Variants in IMMP2L observed in about 807,000 individuals in gnomAD.
The protein encoded by IMMP2L is inner mitochondrial membrane peptidase subunit 2.
In IMMP2L, 18 loss-of-function variants were observed where a neutral mutation model predicts 19.3. The ratio of observed to expected loss-of-function variants is 0.93; its 90% CI spans 0.64 to 1.38. The LOEUF (loss-of-function observed/expected upper bound fraction) is 1.38, where lower values mean the gene tolerates loss of function less well. Among genes scored for constraint, IMMP2L ranks in the 40% most tolerant of loss-of-function variants. IMMP2L has a pLI of 0.00. For synonymous variants in IMMP2L, 76 were observed against 73.0 expected (o/e 1.04, Z -0.21); for missense variants, 233 against 218.2 (o/e 1.07, Z -0.43).
intron 5 of IMMP2L, among the ~76,000 whole-genome samples, chr7:110,873,739 A>C (rs1415336806): frequency 1.3e-5 from 2 of 150,622 alleles, no homozygotes; most frequent in Non-Finnish European, 3.0e-5. Context: ...GTGCCATTGC[A>C]CCCCAGCAAT....
intron 3 of IMMP2L, among the ~76,000 whole-genome samples, chr7:111,226,872 G>A (rs931663289): frequency 2.6e-5 from 4 of 152,098 alleles, no homozygotes; most frequent in Non-Finnish European, 5.9e-5. Flanking sequence ...GCAATAATAC[G>A]AAGGGACAGA....
intron 2 of IMMP2L, among the ~76,000 whole-genome samples, chr7:111,500,395 CAA>C (rs1844082139): frequency 6.6e-6 from 1 of 152,134 alleles, no homozygotes; most frequent in East Asian, 1.9e-4. Flanking sequence ...CACAGACAAA[CAA>C]AAAGACAGCA....
chr7:111,277,567 A>T (rs1316316229), intron 3 of IMMP2L, among the ~76,000 whole-genome samples: 1 of 30,270 alleles, frequency 3.3e-5, no homozygotes, highest in South Asian at 2.3e-3. Context: ...TGTCTCATTT[A>T]AAAAAAAAAA....
At chr7:111,395,367 T>TA (rs1481803619) in intron 3 of IMMP2L, among the ~76,000 whole-genome samples, 1 of 152,204 alleles carries the variant, frequency 6.6e-6, no homozygotes, top group African/African-American at 2.4e-5. Context: ...AAGCAATCAA[T>TA]AAAAAATTTT....
intron 3 of IMMP2L, among the ~76,000 whole-genome samples, chr7:111,352,367 CTTTTTTTTTTT>C (rs748454509): frequency 3.1e-5 from 4 of 130,844 alleles, no homozygotes; most frequent in Non-Finnish European, 4.8e-5. Context: ...GCACAACTAA[CTTTTTTTTTTT>C]TTTTTTTTTT....
At chr7:111,310,453 C>T (rs1823392638) in intron 3 of IMMP2L, among the ~76,000 whole-genome samples, 1 of 151,958 alleles carries the variant, frequency 6.6e-6, no homozygotes, top group Non-Finnish European at 1.5e-5. Flanking sequence ...AGTTTTGTTT[C>T]TGTTGGTCTT....
intron 3 of IMMP2L, among the ~76,000 whole-genome samples, chr7:111,425,883 C>T (rs1836024147): frequency 6.6e-6 from 1 of 151,272 alleles, no homozygotes; most frequent in African/African-American, 2.4e-5. Flanking sequence ...ATTAATCAAA[C>T]ATATAATTTA....
chr7:111,102,137 T>C (rs1246512507), intron 3 of IMMP2L, among the ~76,000 whole-genome samples: 1 of 151,506 alleles, frequency 6.6e-6, no homozygotes, highest in Non-Finnish European at 1.5e-5. Context: ...GGATAGATTT[T>C]ACAGATTTTA....
intron 3 of IMMP2L, among the ~76,000 whole-genome samples, chr7:111,206,490 A>AT (rs1284256270): frequency 2.0e-5 from 3 of 151,604 alleles, no homozygotes; most frequent in East Asian, 1.9e-4. Context: ...TGCTCTTCAG[A>AT]TTTTTTTTTA....
chr7:111,437,668 G>C (rs547288204), intron 3 of IMMP2L, among the ~76,000 whole-genome samples: 1 of 151,632 alleles, frequency 6.6e-6, no homozygotes, highest in African/African-American at 2.4e-5. Context: ...CCATCTGGCC[G>C]CTTTCACCTT....
At chr7:111,065,100 C>A (rs571224681) in intron 3 of IMMP2L, among the ~76,000 whole-genome samples, 1 of 152,168 alleles carries the variant, frequency 6.6e-6, no homozygotes, top group Non-Finnish European at 1.5e-5. Context: ...AACCTCATGA[C>A]CAGTTGCAGA....
chr7:111,474,095 C>T (rs1241065002), intron 3 of IMMP2L, among the ~76,000 whole-genome samples: 1 of 152,100 alleles, frequency 6.6e-6, no homozygotes, highest in African/African-American at 2.4e-5. Context: ...ATTGCAAGTA[C>T]TCACTTAAAA....
At chr7:111,146,681 A>G (rs1465697109) in intron 3 of IMMP2L, among the ~76,000 whole-genome samples, 3 of 152,130 alleles carry the variant, frequency 2.0e-5, no homozygotes, top group Non-Finnish European at 4.4e-5. Context: ...GGGTCAACAC[A>G]GTAACAGGAA....
chr7:110,800,200 A>G (rs1464858065), intron 5 of IMMP2L, among the ~76,000 whole-genome samples: 1 of 151,926 alleles, frequency 6.6e-6, no homozygotes. Context: ...ACTAATAGAG[A>G]AGATCATTAG....
chr7:111,092,295 C>G (rs778517395), intron 3 of IMMP2L, among the ~76,000 whole-genome samples: 30 of 152,220 alleles, frequency 2.0e-4, no homozygotes, highest in Non-Finnish European at 3.4e-4. Context: ...AACAGGATCA[C>G]AGCAGGATGG....
chr7:110,969,468 T>C (rs1819912599), intron 3 of IMMP2L, among the ~76,000 whole-genome samples: 1 of 152,060 alleles, frequency 6.6e-6, no homozygotes, highest in Admixed American at 6.6e-5. Context: ...GTATATACAA[T>C]GCCTAACAAT....
Position 111,192,733 on chromosome 7 carries a change from A to T in IMMP2L, c.240-229168T>A, listed in dbSNP as rs190038441. Among the ~76,000 whole-genome samples, 74 of 152,232 alleles carry T rather than the reference A, an allele frequency of 4.9e-4. 1 individual carries two copies. In the East Asian group the frequency reaches 6.2e-3, roughly 13 times the overall value. On this transcript the variant is annotated intron_variant, in intron 3 of 5. Transcript: ENST00000405709. Reference sequence around the variant, plus strand: ...ATGGCAGGTTAATCAAAGAAAGGGGATGATTGCCCAAGAGAGTGCAAAGTA... The same window carrying T: ...ATGGCAGGTTAATCAAAGAAAGGGGTTGATTGCCCAAGAGAGTGCAAAGTA...
chr7:111,466,855 G>C (rs946532875), intron 3 of IMMP2L, among the ~76,000 whole-genome samples: 3 of 152,018 alleles, frequency 2.0e-5, no homozygotes, highest in African/African-American at 7.3e-5. Context: ...CATTGTATTA[G>C]GTGTCCTAAG....
intron 3 of IMMP2L, among the ~76,000 whole-genome samples, chr7:111,295,266 T>C (rs1321314158): frequency 6.6e-6 from 1 of 151,918 alleles, no homozygotes; most frequent in Non-Finnish European, 1.5e-5. Flanking sequence ...ATTTTATGTG[T>C]TGATATATTG....
Sources: allele counts gnomAD v4.1 joint callset (sites outside exome capture counted in the v4.1 genomes callset), GRCh38; gene constraint gnomAD v4.1.1; transcripts MANE v1.5; gene names NCBI Gene and HGNC (gene_info 2026-07-23, HGNC 2026-07-21).